RASSF4: variants seen among roughly 807,000 people sequenced by gnomAD.
RASSF4 encodes the protein ras association domain-containing protein 4.
In RASSF4, 38 loss-of-function variants were observed where a neutral mutation model predicts 41.1. The ratio of observed to expected loss-of-function variants is 0.92; its 90% CI spans 0.71 to 1.21. The LOEUF (loss-of-function observed/expected upper bound fraction) is 1.21, where lower values mean the gene tolerates loss of function less well. Ranked by LOEUF, RASSF4 falls within the 50% of genes most tolerant of loss-of-function variation. RASSF4 has a pLI of 0.00. For synonymous variants in RASSF4, 179 were observed against 163.4 expected, an observed-to-expected ratio of 1.10 and a Z score of -0.73; for missense variants, 414 against 419.4, an observed-to-expected ratio of 0.99 and a Z score of 0.11.
At chr10:44,979,392 A>AAGCAC (rs1471807074) in intron 3 of RASSF4, among the ~76,000 whole-genome samples, 1 of 152,210 alleles carries the variant, frequency 6.6e-6, no homozygotes, top group Non-Finnish European at 1.5e-5. Context: ...TGAATGCACT[A>AAGCAC]AGCACAGCAA....
chr10:44,990,161 C>T (rs1326005356), intron 8 of RASSF4, among the ~76,000 whole-genome samples: 4 of 152,174 alleles, frequency 2.6e-5, no homozygotes, highest in Non-Finnish European at 5.9e-5. Context: ...CTGGCCCTCC[C>T]GTCTCAGCTT....
At chr10:44,976,189 AG>A (rs1841418888) in intron 3 of RASSF4, 1 of 152,230 alleles carries the variant, frequency 6.6e-6, no homozygotes, top group Non-Finnish European at 1.5e-5. Flanking sequence ...TCACATGCGC[AG>A]ATTCCCAGCC....
rs1478512768 is a variant in RASSF4 at position 44,993,939 on chromosome 10, A to G, written c.*610A>G. The G allele has an allele frequency of 6.6e-6, 1 of 152,414 alleles. No homozygotes were observed. Among genetic ancestry groups the G allele is most frequent in the Non-Finnish European group, 1.5e-5 (1 of 68,204 alleles). 9.4% of individuals were successfully genotyped at this position (152,414 alleles called of 1,614,324 possible). On this transcript the variant is annotated 3_prime_UTR_variant, in exon 11 of 11. Coordinates refer to ENST00000340258, the MANE Select transcript of RASSF4 (RefSeq NM_032023.4). ...CACAAGTATCTCACTTTCTCTGCAG[A>G]AATCAATCTTTACTTCATCAGAGAG... is the stretch of plus-strand genomic sequence containing the variant.
rs871043 is a variant in RASSF4, at chr10:44,983,986, G to A, written c.282-36G>A. 316,689 of 1,561,090 alleles carry A rather than the reference G, an allele frequency of 0.2. 33,654 individuals are homozygous for A. Among genetic ancestry groups the A allele is most frequent in the African/African-American group, 0.32 (23,230 of 73,668 alleles). ...TTGGCCTGAGCTCCCTTTCTCTGCC[G>A]GCAGCCATCTCAGCCCTGCAGTTGT... On this transcript the variant is annotated intron_variant, in intron 4 of 10. Coordinates refer to ENST00000340258, the MANE Select transcript of RASSF4 (RefSeq NM_032023.4).
At chr10:44,973,907 T>G (rs1841285911) in intron 3 of RASSF4, among the ~76,000 whole-genome samples, 1 of 152,166 alleles carries the variant, frequency 6.6e-6, no homozygotes, top group Non-Finnish European at 1.5e-5. Context: ...CTAGGGGGAT[T>G]TTCCTGTCCC....
chr10:44,973,646 G>A (rs936281692), intron 3 of RASSF4, among the ~76,000 whole-genome samples: 1 of 152,220 alleles, frequency 6.6e-6, no homozygotes, highest in Non-Finnish European at 1.5e-5. Context: ...GCATTCTGGT[G>A]GAAGGTCAAG....
intron 5 of RASSF4, 41 bp downstream of exon 5, chr10:44,984,154 C>A (rs75485083): frequency 1.3e-6 from 2 of 1,535,498 alleles, no homozygotes; most frequent in South Asian, 1.2e-5. Context: ...CTGCCTCATC[C>A]GGGGTAGGAG....
chr10:44,975,016 T>A (rs1212753140), intron 3 of RASSF4, among the ~76,000 whole-genome samples: 1 of 152,008 alleles, frequency 6.6e-6, no homozygotes, highest in African/African-American at 2.4e-5. Flanking sequence ...TGTAAACCCA[T>A]GGCTCTGGAC....
chr10:44,977,897 G>A (rs1841518773), intron 3 of RASSF4: 1 of 1,612,524 alleles, frequency 6.2e-7, no homozygotes, highest in African/African-American at 1.3e-5. Flanking sequence ...TGCCAGTCGA[G>A]ATATAGACCT....
intron 6 of RASSF4, among the ~76,000 whole-genome samples, chr10:44,988,383 G>A (rs1841992914): frequency 6.6e-6 from 1 of 152,198 alleles, no homozygotes; most frequent in Non-Finnish European, 1.5e-5. Flanking sequence ...TATGTGTCAG[G>A]CAGAGTCCTG....
intron 3 of RASSF4, among the ~76,000 whole-genome samples, chr10:44,972,537 T>C (rs916517806): frequency 6.6e-6 from 1 of 152,238 alleles, no homozygotes; most frequent in African/African-American, 2.4e-5. Flanking sequence ...GCTAAATACA[T>C]GTCTGATGCC....
chr10:44,970,266 T>G lies in RASSF4; in HGVS notation c.62+2T>G. ...CAGTGACAGCAAGTCCATTCAGAAG[T>G]AAGCCTTGGTGTGCAGGTTGGGCGG... is the stretch of plus-strand genomic sequence containing the variant. On this transcript the variant is annotated splice_donor_variant, in intron 2 of 10. Transcript: ENST00000340258. LOFTEE classifies it high-confidence loss of function. 1 of 1,613,386 alleles carries G rather than the reference T, an allele frequency of 6.2e-7. No individual in the cohort carries two copies. The highest frequency in any genetic ancestry group is 8.5e-7 in the Non-Finnish European group (1 of 1,179,290).
At chr10:44,985,082 G>T in intron 6 of RASSF4, 112 bp downstream of exon 6, 1 of 1,255,798 alleles carries the variant, frequency 8.0e-7, no homozygotes, top group Non-Finnish European at 1.1e-6. Context: ...GTGCCCTCAG[G>T]AGGAAAAACC....
At position 44,984,075 on chromosome 10, in the gene RASSF4, A is replaced by T; in HGVS notation, c.335A>T (p.Gln112Leu). The change falls in exon 5 of 11, where the codon CAG becomes CTG. Residue 112 changes from glutamine (Q) to leucine (L), a missense_variant. Gln to Leu is a moderately radical substitution (Grantham distance 113, BLOSUM62 -2). Transcript: ENST00000340258. ...ATCACAGCCCAGGGGCCAAGCATTC[A>T]GCCAGTGCACAAGGCTGAGAGTTCC... is the stretch of plus-strand genomic sequence containing the variant. ...GNITAQGPSIQPVHKAESSTD... is the reference protein window; with the variant it reads ...GNITAQGPSILPVHKAESSTD... The T allele has an allele frequency of 6.2e-7, 1 of 1,606,704 alleles. No individual in the cohort carries two copies. Among genetic ancestry groups the T allele is most frequent in the South Asian group, 1.1e-5 (1 of 89,230 alleles).
intron 1 of RASSF4, among the ~76,000 whole-genome samples, chr10:44,967,059 G>A (rs1259605776): frequency 6.6e-6 from 1 of 152,192 alleles, no homozygotes; most frequent in African/African-American, 2.4e-5. Flanking sequence ...ATGAGACTTG[G>A]TCTGGGTTAT....
At chr10:44,974,036 G>T (rs1841292659) in intron 3 of RASSF4, among the ~76,000 whole-genome samples, 1 of 152,312 alleles carries the variant, frequency 6.6e-6, no homozygotes, top group African/African-American at 2.4e-5. Flanking sequence ...AGAAGTGTGT[G>T]TTTTTGCTGG....
At position 44,970,168 on chromosome 10, in the gene RASSF4, G is replaced by C; in HGVS notation, c.-35G>C. ...CCACCCTTCCTTGTCTTCCCAGCAAGTAACTTCTAGGTCTGCAGACAAGAG... is the reference window on the plus strand; with the variant it reads ...CCACCCTTCCTTGTCTTCCCAGCAACTAACTTCTAGGTCTGCAGACAAGAG... On this transcript the variant is annotated 5_prime_UTR_variant, in exon 2 of 11. Transcript: ENST00000340258. 1 of 1,598,326 alleles carries C rather than the reference G, an allele frequency of 6.3e-7. No individual in the cohort carries two copies. The highest frequency in any genetic ancestry group is 8.6e-7 in the Non-Finnish European group (1 of 1,165,784).
intron 3 of RASSF4, among the ~76,000 whole-genome samples, chr10:44,972,693 C>T (rs893179390): frequency 6.6e-6 from 1 of 152,206 alleles, no homozygotes; most frequent in South Asian, 2.1e-4. Flanking sequence ...CTTTGTGGCC[C>T]TATCTTGGTC....
intron 2 of RASSF4, chr10:44,970,851 G>A (rs1393888395): frequency 6.4e-6 from 1 of 155,124 alleles, no homozygotes; most frequent in Non-Finnish European, 1.4e-5. Context: ...GAGCAAGAGA[G>A]AGGGAGTGGA....
Sources: gnomAD v4.1 joint callset for allele counts (sites outside exome capture counted in the v4.1 genomes callset) on GRCh38, gnomAD v4.1.1 for gene constraint, MANE v1.5 for transcripts, NCBI Gene and HGNC (gene_info 2026-07-23, HGNC 2026-07-21) for gene names.